RSRC1: variants seen among roughly 807,000 people sequenced by gnomAD.
RSRC1 encodes serine/Arginine-related protein 53.
A neutral mutation model predicts 49.1 loss-of-function variants in RSRC1; 39 were observed. That is an observed-to-expected ratio of 0.79 (90% CI 0.61 to 1.04). The LOEUF is 1.04. RSRC1 is among the 50% of genes least tolerant of loss of function. The pLI is 0.00. For missense variants in RSRC1, 388 were observed against 402.4 expected, an observed-to-expected ratio of 0.96 and a Z score of 0.31; for synonymous variants, 143 against 130.8, an observed-to-expected ratio of 1.09 and a Z score of -0.63.
intron 6 of RSRC1, among the ~76,000 whole-genome samples, chr3:158,439,134 G>C (rs1229510692): frequency 1.3e-5 from 2 of 151,690 alleles, no homozygotes; most frequent in South Asian, 2.1e-4. Flanking sequence ...ACACCAGTTA[G>C]AATGGCGATC....
chr3:158,169,517 C>T (rs1048596167), intron 3 of RSRC1, among the ~76,000 whole-genome samples: 31 of 152,106 alleles, frequency 2.0e-4, no homozygotes, highest in African/African-American at 7.5e-4. Context: ...TTTCTACTTT[C>T]CAAATTTATG....
chr3:158,457,063 A>C (rs1006072756), intron 6 of RSRC1, among the ~76,000 whole-genome samples: 2 of 152,152 alleles, frequency 1.3e-5, no homozygotes, highest in African/African-American at 4.8e-5. Context: ...TGTCCTAAAT[A>C]CTGTGCTTAC....
chr3:158,220,486 G>A (rs140365335), intron 4 of RSRC1, among the ~76,000 whole-genome samples: 290 of 151,616 alleles, frequency 1.9e-3, no homozygotes, highest in Non-Finnish European at 3.3e-3. Context: ...GTAGGTTTCA[G>A]AATAAAAACT....
intron 3 of RSRC1, 22 bp from the exon 4 acceptor site, chr3:158,203,041 AAGTTTATTT>A: frequency 6.5e-7 from 1 of 1,540,854 alleles, no homozygotes; most frequent in Non-Finnish European, 8.9e-7. Flanking sequence ...ATTATACACT[AAGTTTATTT>A]AACAAAATCT....
chr3:158,200,951 C>T (rs2108276632), intron 3 of RSRC1, among the ~76,000 whole-genome samples: 1 of 152,250 alleles, frequency 6.6e-6, no homozygotes, highest in South Asian at 2.1e-4. Flanking sequence ...TATTAGTCTT[C>T]ATTTCCTCCT....
At chr3:158,252,208 C>T (rs979776039) in intron 4 of RSRC1, among the ~76,000 whole-genome samples, 1 of 151,074 alleles carries the variant, frequency 6.6e-6, no homozygotes, top group Non-Finnish European at 1.5e-5. Context: ...GTTGCCTAGA[C>T]TGGAGTGCAG....
intron 5 of RSRC1, among the ~76,000 whole-genome samples, chr3:158,328,158 C>G (rs1169190700): frequency 2.0e-5 from 3 of 152,138 alleles, no homozygotes; most frequent in Non-Finnish European, 4.4e-5. Context: ...CTGAATACAG[C>G]ACACTGATGG....
At chr3:158,395,445 A>T (rs1733559086) in intron 6 of RSRC1, among the ~76,000 whole-genome samples, 1 of 152,078 alleles carries the variant, frequency 6.6e-6, no homozygotes, top group Non-Finnish European at 1.5e-5. Flanking sequence ...GACAAAGGTC[A>T]ATATCCAGAA....
At chr3:158,162,185 G>A (rs1466276501) in intron 3 of RSRC1, among the ~76,000 whole-genome samples, 2 of 152,008 alleles carry the variant, frequency 1.3e-5, no homozygotes, top group African/African-American at 4.8e-5. Context: ...TAATGTTTTG[G>A]GTGGCTTCTC....
chr3:158,126,512 T>C (rs1001152235), intron 3 of RSRC1, among the ~76,000 whole-genome samples: 17 of 152,332 alleles, frequency 1.1e-4, no homozygotes, highest in African/African-American at 4.1e-4. Context: ...GTTATTGATA[T>C]CACAGTTTAC....
At chr3:158,328,739 A>G (rs1026537779) in intron 5 of RSRC1, among the ~76,000 whole-genome samples, 1 of 152,066 alleles carries the variant, frequency 6.6e-6, no homozygotes, top group African/African-American at 2.4e-5. Flanking sequence ...CTCGAGGAGT[A>G]TCTTTGTGGC....
At chr3:158,300,882 C>T (rs1727506097) in intron 5 of RSRC1, among the ~76,000 whole-genome samples, 1 of 151,938 alleles carries the variant, frequency 6.6e-6, no homozygotes, top group African/African-American at 2.4e-5. Context: ...AACATAGTTG[C>T]CCTGTTTTTG....
chr3:158,283,373 CA>C (rs1056402824), intron 4 of RSRC1, among the ~76,000 whole-genome samples: 36 of 151,062 alleles, frequency 2.4e-4, no homozygotes, highest in African/African-American at 5.6e-4. Flanking sequence ...TTAGAATGAA[CA>C]AAAAAAGTAC....
chr3:158,128,865 C>G lies in RSRC1; in HGVS notation c.320+4874C>G, dbSNP rs538093131. The stretch of plus-strand genomic sequence containing the variant: ...GGTGTTTATTTTGTAGATTGCCCCT[C>G]AGCCTGAGTTTGTGTGATGTTTTCT... On this transcript the variant is annotated intron_variant, in intron 3 of 9. Transcript: ENST00000611884. Among the ~76,000 whole-genome samples, 4 of 152,286 alleles carry G rather than the reference C, an allele frequency of 2.6e-5. No individual in the cohort carries two copies. In the South Asian group the frequency reaches 6.2e-4, roughly 24 times the overall value.
chr3:158,140,696 G>T (rs1716689705), intron 3 of RSRC1, among the ~76,000 whole-genome samples: 1 of 152,100 alleles, frequency 6.6e-6, no homozygotes, highest in Admixed American at 6.5e-5. Flanking sequence ...TAGGTGATTG[G>T]TCACATATAT....
intron 6 of RSRC1, among the ~76,000 whole-genome samples, chr3:158,392,579 A>G (rs892220786): frequency 2.0e-5 from 3 of 152,264 alleles, no homozygotes; most frequent in South Asian, 2.1e-4. Flanking sequence ...ATCCAAAAAT[A>G]TAAAGAAGGG....
intron 4 of RSRC1, among the ~76,000 whole-genome samples, chr3:158,212,993 A>G (rs1721768617): frequency 6.6e-6 from 1 of 152,002 alleles, no homozygotes. Flanking sequence ...GGCATCTCCA[A>G]AATGGAACAG....
At chr3:158,155,386 T>A (rs1717798001) in intron 3 of RSRC1, among the ~76,000 whole-genome samples, 1 of 152,138 alleles carries the variant, frequency 6.6e-6, no homozygotes, top group African/African-American at 2.4e-5. Flanking sequence ...CTTGTACATC[T>A]CCATCAGAGC....
At chr3:158,226,381 T>C (rs1159099131) in intron 4 of RSRC1, among the ~76,000 whole-genome samples, 1 of 151,964 alleles carries the variant, frequency 6.6e-6, no homozygotes, top group African/African-American at 2.4e-5. Flanking sequence ...CCGGCCACAG[T>C]AGGTGTATGG....
Sources: allele counts gnomAD v4.1 joint callset (sites outside exome capture counted in the v4.1 genomes callset), GRCh38; gene constraint gnomAD v4.1.1; transcripts MANE v1.5; gene names NCBI Gene and HGNC (gene_info 2026-07-23, HGNC 2026-07-21).